The following PRR11 variants were observed in gnomAD, a reference collection of about 807,000 sequenced individuals.
The protein encoded by PRR11 is proline rich 11, also known as proline-rich protein 11.
In PRR11, 30 loss-of-function variants were observed where a neutral mutation model predicts 45.6. The ratio of observed to expected loss-of-function variants is 0.66; its 90% CI spans 0.49 to 0.89. The LOEUF is 0.89. Ranked by LOEUF, PRR11 falls within the 40% of genes least tolerant of loss-of-function variation. PRR11 has a pLI of 0.00. For synonymous variants in PRR11, 128 were observed against 153.5 expected (o/e 0.83, Z 1.23); for missense variants, 373 against 424.8 (o/e 0.88, Z 1.07).
At chr17:59,176,004 C>T (rs542257945) in intron 2 of PRR11, among the ~76,000 whole-genome samples, 9 of 152,274 alleles carry the variant, frequency 5.9e-5, no homozygotes, top group South Asian at 2.1e-4. Flanking sequence ...GGGCAGATGA[C>T]GTAATCCCAA....
At position 59,204,952 on chromosome 17, in the gene PRR11, T is replaced by C. The variant is rs397834819; in HGVS notation, c.*3321T>C. 8.9e-4 allele frequency among the ~76,000 whole-genome samples: 136 copies of C among 152,044 alleles called. No individual in the cohort carries two copies. Among genetic ancestry groups the C allele is most frequent in the African/African-American group, 2.2e-3 (92 of 41,446 alleles). The stretch of plus-strand genomic sequence containing the variant: ...CTGAGGTGGGAGAATCACTTGAGCC[T>C]GGGAGGTTGAGGCTGCAGTGAGCTG... On this transcript the variant is annotated 3_prime_UTR_variant, in exon 10 of 10. Coordinates refer to ENST00000262293, the MANE Select transcript of PRR11 (RefSeq NM_018304.4).
chr17:59,185,060 T>C lies in PRR11; in HGVS notation c.135T>C (p.Gly45=), dbSNP rs1388708943. ...CATTTTGTTTTTCCTACAGAGTCGG[T>C]ATTTCTTCAATAGATATATCTCAAA... is the stretch of plus-strand genomic sequence containing the variant. ...PPPPPSPERV[G]ISSIDISQSR... The change falls in exon 3 of 10, where the codon GGT becomes GGC. Residue 45 remains glycine, a synonymous_variant. Transcript: ENST00000262293. 1 of 1,612,420 alleles carries C rather than the reference T, an allele frequency of 6.2e-7. No homozygotes were observed. The highest frequency in any genetic ancestry group is 8.5e-7 in the Non-Finnish European group (1 of 1,178,978).
At chr17:59,157,113 G>GA (rs2046629398) in intron 1 of PRR11, among the ~76,000 whole-genome samples, 1 of 152,176 alleles carries the variant, frequency 6.6e-6, no homozygotes. Context: ...CTAACCAAGA[G>GA]AATTTGACAA....
chr17:59,157,336 A>AAATG (rs1179551301), intron 1 of PRR11, among the ~76,000 whole-genome samples: 22 of 152,348 alleles, frequency 1.4e-4, no homozygotes, highest in African/African-American at 5.3e-4. Flanking sequence ...ATGAAATGTA[A>AAATG]TACATTTTAT....
chr17:59,160,570 G>T (rs566881125), intron 1 of PRR11, among the ~76,000 whole-genome samples: 1 of 152,102 alleles, frequency 6.6e-6, no homozygotes, highest in South Asian at 2.1e-4. Flanking sequence ...ACCATGCACG[G>T]CCTATAATAT....
intron 5 of PRR11, among the ~76,000 whole-genome samples, chr17:59,194,306 A>C (rs1026383940): frequency 1.9e-5 from 2 of 107,540 alleles, no homozygotes; most frequent in Middle Eastern, 4.4e-3. Context: ...CACACACACA[A>C]AACAAAACCT....
chr17:59,166,314 T>C (rs1477525038), intron 1 of PRR11, among the ~76,000 whole-genome samples: 1 of 152,230 alleles, frequency 6.6e-6, no homozygotes, highest in East Asian at 1.9e-4. Context: ...TCATTTTCAG[T>C]TCTGCTACTT....
At position 59,174,815 on chromosome 17, in the gene PRR11, G is replaced by A. The variant is rs182937437; in HGVS notation, c.128+4935G>A. On this transcript the variant is annotated intron_variant, in intron 2 of 9. Transcript: ENST00000262293. ...GTGCGATCTCGTGCCCACACCCAGT[G>A]CTCTGGGTTATAAGCCTGGATCTGG... Among the ~76,000 whole-genome samples, 208 of 152,206 alleles carry A rather than the reference G, an allele frequency of 1.4e-3. 1 individual carries two copies. Among genetic ancestry groups the A allele is most frequent in the Middle Eastern group, 3.4e-3 (1 of 294 alleles).
intron 9 of PRR11, among the ~76,000 whole-genome samples, chr17:59,200,693 C>T (rs933778072): frequency 1.3e-5 from 2 of 152,078 alleles, no homozygotes; most frequent in Non-Finnish European, 2.9e-5. Flanking sequence ...AGGGTTTCAC[C>T]GTGTTAGCCA....
chr17:59,188,866 G>A (rs1343485231), intron 4 of PRR11, among the ~76,000 whole-genome samples: 1 of 151,586 alleles, frequency 6.6e-6, no homozygotes, highest in Non-Finnish European at 1.5e-5. Context: ...CTGGAACCTG[G>A]GAGACACAGG....
At chr17:59,175,493 G>A (rs759708213) in intron 2 of PRR11, among the ~76,000 whole-genome samples, 1 of 152,180 alleles carries the variant, frequency 6.6e-6, no homozygotes, top group African/African-American at 2.4e-5. Flanking sequence ...CAGACGTGGT[G>A]GCTCATGCCT....
At chr17:59,181,933 T>G (rs2046789198) in intron 2 of PRR11, 1 of 1,103,890 alleles carries the variant, frequency 9.1e-7, no homozygotes, top group Admixed American at 2.5e-5. Flanking sequence ...CTCCCCATTC[T>G]TCCGTATCTC....
At chr17:59,171,132 A>G (rs1312942787) in intron 2 of PRR11, among the ~76,000 whole-genome samples, 3 of 152,076 alleles carry the variant, frequency 2.0e-5, no homozygotes, top group Non-Finnish European at 2.9e-5. Context: ...GCGCGGTGGC[A>G]GGCGCCTGTA....
intron 7 of PRR11, among the ~76,000 whole-genome samples, chr17:59,196,018 A>G (rs978124408): frequency 6.6e-6 from 1 of 150,458 alleles, no homozygotes; most frequent in Non-Finnish European, 1.5e-5. Context: ...AGCCCAGGAG[A>G]TCAAGGCTGC....
At chr17:59,188,092 A>G (rs886304071) in intron 4 of PRR11, among the ~76,000 whole-genome samples, 2 of 152,230 alleles carry the variant, frequency 1.3e-5, no homozygotes, top group Non-Finnish European at 2.9e-5. Context: ...AGGGAACCTG[A>G]GGAATGTAAT....
chr17:59,162,676 A>G (rs975894211), intron 1 of PRR11, among the ~76,000 whole-genome samples: 4 of 149,756 alleles, frequency 2.7e-5, no homozygotes, highest in Non-Finnish European at 5.9e-5. Flanking sequence ...TTTCAAGTGT[A>G]GGCACTATAT....
At chr17:59,195,074 G>T (rs1008367028) in intron 6 of PRR11, among the ~76,000 whole-genome samples, 3 of 152,054 alleles carry the variant, frequency 2.0e-5, no homozygotes, top group Non-Finnish European at 4.4e-5. Context: ...TTAAGTTTTT[G>T]ATGTTTTTAT....
intron 1 of PRR11, among the ~76,000 whole-genome samples, chr17:59,166,697 A>G (rs2046681655): frequency 1.3e-5 from 2 of 152,192 alleles, no homozygotes; most frequent in Admixed American, 1.3e-4. Flanking sequence ...AATATTTGTT[A>G]CATTCTTAAG....
At chr17:59,180,029 C>CCCCA (rs1203570435) in intron 2 of PRR11, 1 of 820,694 alleles carries the variant, frequency 1.2e-6, no homozygotes, top group Non-Finnish European at 1.9e-6. Context: ...CTTTGCTGAA[C>CCCCA]CCCATGAGCC....
Sources: allele counts gnomAD v4.1 joint callset (sites outside exome capture counted in the v4.1 genomes callset), GRCh38; gene constraint gnomAD v4.1.1; transcripts MANE v1.5; gene names NCBI Gene and HGNC (gene_info 2026-07-23, HGNC 2026-07-21).